The following CPSF4 variants were observed in gnomAD, a reference collection of about 807,000 sequenced individuals.
CPSF4 encodes cleavage and polyadenylation specificity factor subunit 4.
A neutral mutation model predicts 37.7 loss-of-function variants in CPSF4; 11 were observed. That is an observed-to-expected ratio of 0.29 (90% CI 0.18 to 0.48). The LOEUF (loss-of-function observed/expected upper bound fraction) is 0.48. Among genes scored for constraint, CPSF4 ranks in the 20% least tolerant of loss-of-function variants. CPSF4 has a pLI of 0.99. For synonymous variants in CPSF4, 132 were observed against 135.9 expected (o/e 0.97, Z 0.20); for missense variants, 144 against 359.5 (o/e 0.40, Z 4.85).
chr7:99,440,724 A>G (rs1432634188), intron 1 of CPSF4, among the ~76,000 whole-genome samples: 1 of 127,946 alleles, frequency 7.8e-6, no homozygotes, highest in African/African-American at 3.3e-5. Context: ...ACATGGTGAT[A>G]GTTCTGTACA....
Position 99,440,674 on chromosome 7 carries a change from A to ATTTTTT in CPSF4, c.103+1503_103+1508dup, listed in dbSNP as rs1195402168. ...ACCTGGCATATATATATATATATAT[A>ATTTTTT]TTTTTTTTTTTTTTTTTTTCCTGCC... On this transcript the variant is annotated intron_variant, in intron 1 of 7. Transcript: ENST00000292476. Among the ~76,000 whole-genome samples, 11 of 88,086 alleles carry ATTTTTT rather than the reference A, an allele frequency of 1.2e-4. 2 individuals carry two copies. The highest frequency in any genetic ancestry group is 9.7e-4 in the African/African-American group (10 of 10,312). The allele number at this position is 88,086 out of a possible 152,430, so 57.8% of individuals were successfully genotyped here. A position where few individuals can be genotyped will look rare whatever the true frequency, so the allele number is the denominator to read the frequency against.
At chr7:99,441,701 C>CT (rs933482501) in intron 1 of CPSF4, among the ~76,000 whole-genome samples, 10 of 146,578 alleles carry the variant, frequency 6.8e-5, no homozygotes, top group South Asian at 4.2e-4. Flanking sequence ...TTTTTTTTTT[C>CT]TTTTTTTTTG....
At chr7:99,442,577 A>G (rs1192265673) in intron 1 of CPSF4, among the ~76,000 whole-genome samples, 1 of 137,310 alleles carries the variant, frequency 7.3e-6, no homozygotes, top group Non-Finnish European at 1.5e-5. Flanking sequence ...AATGGTGTGA[A>G]CCCCGGTGGG....
At chr7:99,444,321 G>A (rs1797290234) in intron 1 of CPSF4, among the ~76,000 whole-genome samples, 1 of 152,104 alleles carries the variant, frequency 6.6e-6, no homozygotes, top group South Asian at 2.1e-4. Flanking sequence ...GCCAAGCGTG[G>A]TGGCAGGCAC....
chr7:99,452,732 G>A (rs549996319), intron 6 of CPSF4: 48 of 347,844 alleles, frequency 1.4e-4, no homozygotes, highest in African/African-American at 5.4e-4. Flanking sequence ...GTTCAGCAGC[G>A]TCTGCCCCTG....
At chr7:99,452,611 T>A in intron 6 of CPSF4, 171 bp downstream of exon 6, 1 of 611,070 alleles carries the variant, frequency 1.6e-6, no homozygotes, top group Non-Finnish European at 2.9e-6. Context: ...TATATCTCCC[T>A]CGAGAGACGG....
In CPSF4 at chr7:99,450,694, C is replaced by T. The variant is rs1797868679; in HGVS notation, c.404-8C>T. 3 of 1,607,628 alleles carry T rather than the reference C, an allele frequency of 1.9e-6. No homozygotes were observed. The highest frequency in any genetic ancestry group is 1.7e-6 in the Non-Finnish European group (2 of 1,174,206). On this transcript the variant is annotated splice_polypyrimidine_tract_variant and splice_region_variant and intron_variant, in intron 4 of 7. Transcript: ENST00000292476. ...GACATCTAAGTGACCGGACACTTGGCTCTGCAGGTCCCCTCTGCAGGCACC... is the reference window on the plus strand; with the variant it reads ...GACATCTAAGTGACCGGACACTTGGTTCTGCAGGTCCCCTCTGCAGGCACC...
At position 99,452,484 on chromosome 7, in the gene CPSF4, T is replaced by C. The variant is rs776561642; in HGVS notation, c.570+44T>C. 10 of 1,555,078 alleles carry C rather than the reference T, an allele frequency of 6.4e-6. No homozygotes were observed. The Admixed American group carries it at 8.3e-5, about 13-fold the overall frequency. On this transcript the variant is annotated intron_variant, in intron 6 of 7. Transcript: ENST00000292476. The stretch of plus-strand genomic sequence containing the variant: ...CTCGGTAGGAAGGAAGTGCCTTTTC[T>C]ACAGCGAGAACCTCAGTGTCCCCCA...
intron 1 of CPSF4, 137 bp from the exon 2 acceptor site, chr7:99,444,652 A>T: frequency 1.3e-6 from 1 of 767,788 alleles, no homozygotes; most frequent in Non-Finnish European, 2.1e-6. Context: ...GGCTTTGCAA[A>T]TTTTTGCTAC....
In CPSF4 at chr7:99,452,478, C is replaced by G. The variant is rs760126489; in HGVS notation, c.570+38C>G. The G allele has an allele frequency of 1.9e-6, 3 of 1,577,932 alleles. No individual in the cohort carries two copies. In the South Asian group the frequency reaches 3.3e-5, roughly 17 times the overall value. On this transcript the variant is annotated intron_variant, in intron 6 of 7. Coordinates refer to ENST00000292476, the MANE Select transcript of CPSF4 (RefSeq NM_006693.4). ...GCCTTCCTCGGTAGGAAGGAAGTGC[C>G]TTTTCTACAGCGAGAACCTCAGTGT...
chr7:99,449,469 A>G (rs147483603), intron 3 of CPSF4, among the ~76,000 whole-genome samples: 42 of 152,324 alleles, frequency 2.8e-4, no homozygotes, highest in Middle Eastern at 6.8e-3. Context: ...CAGGCTCTTA[A>G]GGCACCGCTA....
At chr7:99,441,606 CAT>C in intron 1 of CPSF4, 2 of 444,790 alleles carry the variant, frequency 4.5e-6, no homozygotes, top group Non-Finnish European at 9.1e-6. Context: ...ATCCTATCCA[CAT>C]GAGACTCAGT....
intron 1 of CPSF4, among the ~76,000 whole-genome samples, chr7:99,442,439 G>A (rs1319141783): frequency 6.6e-6 from 1 of 151,740 alleles, no homozygotes; most frequent in Non-Finnish European, 1.5e-5. Context: ...GGCGGATCAC[G>A]AGGTCAGGAG....
rs35485850 is a variant in CPSF4, at chr7:99,449,362, T to TC, written c.308-908dup. Among the ~76,000 whole-genome samples the TC allele has an allele frequency of 1.0e-3, 154 of 152,300 alleles. 1 individual carries two copies. The highest frequency in any genetic ancestry group is 6.8e-3 in the Middle Eastern group (2 of 294). The stretch of plus-strand genomic sequence containing the variant: ...CCTGTCATTGTGCAATGTAGCATGT[T>TC]CCCCCCGATGCCTTGCCCATAGCAG... On this transcript the variant is annotated intron_variant, in intron 3 of 7. Transcript: ENST00000292476.
rs930050938 is a variant in CPSF4 at position 99,453,797 on chromosome 7, A to C, written c.571-169A>C. 1.4e-5 allele frequency: 9 copies of C among 626,936 alleles called. No individual in the cohort carries two copies. The highest frequency in any genetic ancestry group is 2.5e-5 in the Non-Finnish European group (9 of 355,766). The allele number at this position is 626,936 out of a possible 1,614,324, so 38.8% of individuals were successfully genotyped here. A position where few individuals can be genotyped will look rare whatever the true frequency, so the allele number is the denominator to read the frequency against. ...TGTTTTTCGGGCAGTGGCTTCTGCC[A>C]TCATCACCACATGTTTCTCTGCTGC... On this transcript the variant is annotated intron_variant, in intron 6 of 7. Transcript: ENST00000292476. This position sits in a 1 kb window ranked among gnomAD's most constrained non-coding sequence, Gnocchi z 4.7.
rs766792305 is a variant in CPSF4, at chr7:99,439,079, C to A, written c.-4C>A. The stretch of plus-strand genomic sequence containing the variant: ...GCCGGGCCGGTGGGGCCGCCGCCGC[C>A]GCCATGCAGGAAATCATCGCCAGCG... On this transcript the variant is annotated 5_prime_UTR_variant, in exon 1 of 8. Transcript: ENST00000292476. The A allele has an allele frequency of 2.5e-6, 4 of 1,606,886 alleles. No homozygotes were observed. The African/African-American group carries it at 4.0e-5, about 16-fold the overall frequency.
chr7:99,440,674 A>ATATTTTTTTTTT, intron 1 of CPSF4, among the ~76,000 whole-genome samples: 1 of 88,130 alleles, frequency 1.1e-5, no homozygotes, highest in African/African-American at 9.7e-5. Flanking sequence ...ATATATATAT[A>ATATTTTTTTTTT]TTTTTTTTTT....
At chr7:99,450,162 C>A in intron 3 of CPSF4, 114 bp from the exon 4 acceptor site, 2 of 742,596 alleles carry the variant, frequency 2.7e-6, no homozygotes, top group Non-Finnish European at 4.8e-6. Flanking sequence ...TCTTCCCTGG[C>A]TCTCAGGGCT....
At chr7:99,447,755 A>T (rs759580964) in intron 2 of CPSF4, 1 of 432,960 alleles carries the variant, frequency 2.3e-6, no homozygotes, top group South Asian at 1.6e-5. Context: ...ATGCGCGGCT[A>T]ATTTTTTGTA....
Sources: allele counts gnomAD v4.1 joint callset (sites outside exome capture counted in the v4.1 genomes callset), GRCh38; gene constraint gnomAD v4.1.1; non-coding constraint Gnocchi (gnomAD v3.1); transcripts MANE v1.5; gene names NCBI Gene and HGNC (gene_info 2026-07-23, HGNC 2026-07-21).